SGCZ: variants seen among roughly 807,000 people sequenced by gnomAD.
SGCZ encodes zeta-sarcoglycan.
In SGCZ, 40 loss-of-function variants were observed where a neutral mutation model predicts 41.3. The observed-to-expected ratio is 0.97, with a 90% CI of 0.75 to 1.26. The LOEUF is 1.26. Ranked by LOEUF, SGCZ falls within the 50% of genes most tolerant of loss-of-function variation. The pLI is 0.00. For missense variants in SGCZ, 552 were observed against 369.8 expected (o/e 1.49, Z -4.04); for synonymous variants, 206 against 137.5 (o/e 1.50, Z -3.49).
chr8:14,407,691 G>T lies in SGCZ; in HGVS notation c.235-83487C>A, dbSNP rs542139071. Among the ~76,000 whole-genome samples, 4 of 152,192 alleles carry T rather than the reference G, an allele frequency of 2.6e-5. No homozygotes were observed. In the South Asian group the frequency reaches 6.2e-4, roughly 24 times the overall value. On this transcript the variant is annotated intron_variant, in intron 2 of 7. Coordinates refer to ENST00000382080, the MANE Select transcript of SGCZ (RefSeq NM_139167.4). The stretch of plus-strand genomic sequence containing the variant: ...GTTTTCTTGTTAAGAACTGAGAAAG[G>T]CTGTCAATATGAATGAGAAGATTCC...
chr8:14,946,600 T>G (rs150640506), intron 1 of SGCZ, among the ~76,000 whole-genome samples: 1 of 152,068 alleles, frequency 6.6e-6, no homozygotes, highest in Non-Finnish European at 1.5e-5. Flanking sequence ...ACACAGCCGG[T>G]GTTCACTATG....
intron 1 of SGCZ, among the ~76,000 whole-genome samples, chr8:15,013,087 C>G (rs1170917485): frequency 6.6e-6 from 1 of 151,944 alleles, no homozygotes; most frequent in East Asian, 1.9e-4. Flanking sequence ...AAAATGATAC[C>G]TGGTTTGTAT....
At chr8:14,209,828 TATA>T in intron 4 of SGCZ, among the ~76,000 whole-genome samples, 1 of 11,538 alleles carries the variant, frequency 8.7e-5, no homozygotes, top group Non-Finnish European at 1.2e-4. Context: ...TTCATAAAAA[TATA>T]ACCTGTATGA....
intron 1 of SGCZ, among the ~76,000 whole-genome samples, chr8:14,895,908 T>C (rs970737858): frequency 4.6e-5 from 7 of 152,344 alleles, no homozygotes; most frequent in East Asian, 1.9e-4. Flanking sequence ...TCTTCTGGTA[T>C]TTATAATGTG....
In SGCZ at chr8:14,554,871, T is replaced by G; in HGVS notation, c.95A>C (p.Glu32Ala). ...TCCCACTGGGTAAAGTTGTGCATTC[T>G]CAGTCCTTGGCAGGTTATTCTGTTG... Reference protein sequence around the residue: ...ATQQNNLPRTENAQLYPVGIY... With the variant: ...ATQQNNLPRTANAQLYPVGIY... The change falls in exon 2 of 8, where the codon GAG (glutamate) becomes GCG (alanine). Residue 32 changes from glutamate to alanine, a missense_variant. Physicochemically the swap from Glu to Ala is moderately radical, Grantham distance 107. Transcript: ENST00000382080. The G allele has an allele frequency of 6.2e-7, 1 of 1,613,244 alleles. No individual in the cohort carries two copies. The highest frequency in any genetic ancestry group is 8.5e-7 in the Non-Finnish European group (1 of 1,179,532).
In SGCZ at chr8:14,463,407, A is replaced by T. The variant is rs1212014966; in HGVS notation, c.234+91325T>A. On this transcript the variant is annotated intron_variant, in intron 2 of 7. Coordinates refer to ENST00000382080, the MANE Select transcript of SGCZ (RefSeq NM_139167.4). ...TACGAAGTTTTTAACAAGTGGTGTA[A>T]AAAAAAAAAAAAAACCCTGGATATC... Among the ~76,000 whole-genome samples the T allele has an allele frequency of 1.0e-4, 7 of 68,656 alleles. No homozygotes were observed. The East Asian group carries it at 1.4e-3, about 14-fold the overall frequency. 45.0% of individuals were successfully genotyped at this position (68,656 alleles called of 152,430 possible). A position where few individuals can be genotyped will look rare whatever the true frequency, so the allele number is the denominator to read the frequency against.
intron 2 of SGCZ, among the ~76,000 whole-genome samples, chr8:14,405,063 C>T (rs776237533): frequency 3.3e-5 from 5 of 152,278 alleles, no homozygotes; most frequent in African/African-American, 9.6e-5. Flanking sequence ...GTGGCCCTTG[C>T]TCCTGAACTG....
At chr8:14,707,398 A>G (rs1809367745) in intron 1 of SGCZ, among the ~76,000 whole-genome samples, 1 of 152,134 alleles carries the variant, frequency 6.6e-6, no homozygotes, top group Non-Finnish European at 1.5e-5. Flanking sequence ...ACAGCTGTAG[A>G]ACATGTGAAC....
intron 1 of SGCZ, among the ~76,000 whole-genome samples, chr8:14,866,083 T>C (rs139564547): frequency 0.024 from 3,594 of 152,166 alleles, 52 homozygotes; most frequent in Middle Eastern, 0.048. Context: ...GGCCTTACAA[T>C]GTAAAGCAGA....
At chr8:14,214,205 T>C (rs943556795) in intron 4 of SGCZ, among the ~76,000 whole-genome samples, 8 of 152,100 alleles carry the variant, frequency 5.3e-5, no homozygotes, top group African/African-American at 1.9e-4. Context: ...ATCAGAAAAA[T>C]GTCAGACAAA....
chr8:14,324,018 A>T, intron 3 of SGCZ, 85 bp downstream of exon 3: 1 of 824,176 alleles, frequency 1.2e-6, no homozygotes, highest in South Asian at 1.5e-5. Context: ...TGCTGAAGAG[A>T]TAAGGGGATT....
At chr8:14,617,757 G>A (rs985067804) in intron 1 of SGCZ, among the ~76,000 whole-genome samples, 6 of 152,186 alleles carry the variant, frequency 3.9e-5, no homozygotes, top group African/African-American at 1.2e-4. Context: ...AAATAAAGTA[G>A]GGTGGGAATA....
At chr8:14,611,506 G>A (rs889940890) in intron 1 of SGCZ, among the ~76,000 whole-genome samples, 6 of 152,068 alleles carry the variant, frequency 3.9e-5, no homozygotes, top group Non-Finnish European at 8.8e-5. Context: ...TCAATAATCA[G>A]TAATACATAA....
At chr8:15,218,139 T>G (rs1801478276) in intron 1 of SGCZ, among the ~76,000 whole-genome samples, 1 of 152,182 alleles carries the variant, frequency 6.6e-6, no homozygotes, top group Non-Finnish European at 1.5e-5. Flanking sequence ...TCTTTCTTTG[T>G]GGGTTGAGAG....
chr8:14,865,388 A>G (rs987734912), intron 1 of SGCZ, among the ~76,000 whole-genome samples: 18 of 152,032 alleles, frequency 1.2e-4, no homozygotes, highest in Non-Finnish European at 2.9e-5. Flanking sequence ...TATGATGTCT[A>G]CCATAGAAAG....
At chr8:14,885,102 C>A (rs1804738179) in intron 1 of SGCZ, among the ~76,000 whole-genome samples, 1 of 152,190 alleles carries the variant, frequency 6.6e-6, no homozygotes, top group Non-Finnish European at 1.5e-5. Flanking sequence ...CACTGAAAAT[C>A]CCATCCCAGG....
At chr8:14,722,827 T>A (rs1809931177) in intron 1 of SGCZ, among the ~76,000 whole-genome samples, 1 of 152,162 alleles carries the variant, frequency 6.6e-6, no homozygotes, top group Non-Finnish European at 1.5e-5. Context: ...TGTTTTTATG[T>A]ATATTTATAT....
intron 3 of SGCZ, among the ~76,000 whole-genome samples, chr8:14,256,072 G>C (rs1300540850): frequency 6.6e-6 from 1 of 151,978 alleles, no homozygotes; most frequent in Non-Finnish European, 1.5e-5. Context: ...ATTTTCTCTT[G>C]AAGACCTACT....
intron 4 of SGCZ, among the ~76,000 whole-genome samples, chr8:14,179,699 C>T (rs1489871817): frequency 6.6e-6 from 1 of 152,110 alleles, no homozygotes; most frequent in African/African-American, 2.4e-5. Context: ...CCTGAGAGTT[C>T]CCACTTGGGT....
Sources: gnomAD v4.1 joint callset for allele counts (sites outside exome capture counted in the v4.1 genomes callset) on GRCh38, gnomAD v4.1.1 for gene constraint, MANE v1.5 for transcripts, NCBI Gene and HGNC (gene_info 2026-07-23, HGNC 2026-07-21) for gene names.